Variants in ADGRL4 observed in about 807,000 individuals in gnomAD.
ADGRL4 encodes EGF, latrophilin and seven transmembrane domain containing 1.
ADGRL4 carries 90 observed loss-of-function variants against 74.8 expected under a neutral mutation model. The observed-to-expected ratio is 1.20, with a 90% CI of 1.02 to 1.43. The LOEUF (loss-of-function observed/expected upper bound fraction) is 1.43. Ranked by LOEUF, ADGRL4 falls within the 40% of genes most tolerant of loss-of-function variation. ADGRL4 has a pLI of 0.00. For synonymous variants in ADGRL4, 311 were observed against 279.2 expected (o/e 1.11, Z -1.14); for missense variants, 881 against 814.3 (o/e 1.08, Z -1.00).
intron 7 of ADGRL4, among the ~76,000 whole-genome samples, chr1:78,931,879 T>A (rs1338100688): frequency 6.6e-6 from 1 of 151,494 alleles, no homozygotes; most frequent in East Asian, 1.9e-4. Context: ...CCAGAAGAGC[T>A]AATTATCCTA....
At chr1:78,996,192 T>C (rs979721300) in intron 2 of ADGRL4, among the ~76,000 whole-genome samples, 1 of 152,188 alleles carries the variant, frequency 6.6e-6, no homozygotes, top group Admixed American at 6.5e-5. Context: ...CTTGCAGTGG[T>C]CACTTGCCTT....
intron 2 of ADGRL4, among the ~76,000 whole-genome samples, chr1:78,955,973 C>T (rs1040856761): frequency 5.9e-5 from 9 of 152,058 alleles, no homozygotes; most frequent in African/African-American, 2.2e-4. Flanking sequence ...TATATAATAA[C>T]GATTGACTCT....
chr1:78,914,217 A>G (rs888583401), intron 12 of ADGRL4, among the ~76,000 whole-genome samples: 3 of 151,898 alleles, frequency 2.0e-5, no homozygotes, highest in African/African-American at 4.8e-5. Flanking sequence ...CTCCACCTCA[A>G]TGAAGACTTT....
chr1:78,920,366 A>G lies in ADGRL4; in HGVS notation c.1278T>C (p.Ile426=). ...GPSIGIKDYN[I]LTRITQLGII... is the part of the protein sequence containing the mutation. ...TTCCTAGTTGAGTGATCCTTGTAAG[A>G]ATATTATAATCTTTAATACCCTAAG... Residue 426 remains isoleucine, a synonymous_variant, in exon 10 of 15, where the codon ATT becomes ATC. Coordinates refer to ENST00000370742, the MANE Select transcript of ADGRL4 (RefSeq NM_022159.4). The G allele has an allele frequency of 1.9e-6, 3 of 1,591,064 alleles. No individual in the cohort carries two copies. The highest frequency in any genetic ancestry group is 1.7e-6 in the Non-Finnish European group (2 of 1,161,272).
At chr1:78,900,481 C>T (rs1372057180) in intron 12 of ADGRL4, among the ~76,000 whole-genome samples, 3 of 152,090 alleles carry the variant, frequency 2.0e-5, no homozygotes, top group Non-Finnish European at 4.4e-5. Context: ...CGCACATGTA[C>T]ATATAGGTGT....
At chr1:78,934,100 A>G (rs1310900470) in intron 7 of ADGRL4, among the ~76,000 whole-genome samples, 1 of 152,230 alleles carries the variant, frequency 6.6e-6, no homozygotes, top group Non-Finnish European at 1.5e-5. Flanking sequence ...GAATCAAAGA[A>G]GACCCCATAT....
intron 12 of ADGRL4, among the ~76,000 whole-genome samples, chr1:78,908,911 C>G (rs1029880275): frequency 2.6e-5 from 4 of 151,816 alleles, no homozygotes; most frequent in African/African-American, 7.3e-5. Flanking sequence ...GAATATATCT[C>G]TCATATATAG....
intron 2 of ADGRL4, among the ~76,000 whole-genome samples, chr1:78,984,801 G>T (rs992074216): frequency 1.3e-5 from 2 of 151,580 alleles, no homozygotes; most frequent in African/African-American, 4.8e-5. Context: ...AATAACCCCG[G>T]ATAGGGCTAA....
rs778135175 is a variant in ADGRL4 at position 78,921,612 on chromosome 1, C to A, written c.1257+1G>T. On this transcript the variant is annotated splice_donor_variant, in intron 9 of 14. Transcript: ENST00000370742. LOFTEE classifies it high-confidence loss of function. ...AAATATGAAGGGGAAAATTATCTTACAATGGAAGGACCAGAGGACATCAAA... is the reference window on the plus strand; with the variant it reads ...AAATATGAAGGGGAAAATTATCTTAAAATGGAAGGACCAGAGGACATCAAA... 1.4e-6 allele frequency: 2 copies of A among 1,414,206 alleles called. No individual in the cohort carries two copies. Among genetic ancestry groups the A allele is most frequent in the Non-Finnish European group, 1.9e-6 (2 of 1,074,128 alleles). The allele number at this position is 1,414,206 out of a possible 1,614,324, so 87.6% of individuals were successfully genotyped here.
At chr1:78,995,156 A>G (rs1650689072) in intron 2 of ADGRL4, among the ~76,000 whole-genome samples, 1 of 152,198 alleles carries the variant, frequency 6.6e-6, no homozygotes, top group Admixed American at 6.5e-5. Context: ...GAGAGCAAAT[A>G]TAAAAATCAT....
At chr1:78,980,446 CA>C (rs1422283548) in intron 2 of ADGRL4, among the ~76,000 whole-genome samples, 2 of 151,842 alleles carry the variant, frequency 1.3e-5, no homozygotes, top group African/African-American at 4.8e-5. Context: ...TTGTCTCCAA[CA>C]GAGGCCTATA....
chr1:78,973,793 T>G (rs1487901804), intron 2 of ADGRL4, among the ~76,000 whole-genome samples: 1 of 151,834 alleles, frequency 6.6e-6, no homozygotes, highest in South Asian at 2.1e-4. Context: ...TAAAGTGGTT[T>G]TGTTTTATGT....
intron 8 of ADGRL4, 58 bp from the exon 9 acceptor site, chr1:78,921,844 T>TTTTGTCATA (rs1649009374): frequency 3.1e-6 from 3 of 979,912 alleles, no homozygotes; most frequent in Non-Finnish European, 4.2e-6. Context: ...CATAGTATTG[T>TTTTGTCATA]TTTGTCATAT....
intron 8 of ADGRL4, among the ~76,000 whole-genome samples, chr1:78,923,674 T>A (rs1259334272): frequency 1.3e-5 from 2 of 151,856 alleles, no homozygotes; most frequent in African/African-American, 4.8e-5. Context: ...CTCAGAGAGA[T>A]GAGATACTGT....
chr1:78,992,912 G>A (rs1291506132), intron 2 of ADGRL4, among the ~76,000 whole-genome samples: 2 of 151,946 alleles, frequency 1.3e-5, no homozygotes, highest in African/African-American at 2.4e-5. Flanking sequence ...ATACAACAGA[G>A]GATATTAAAT....
chr1:78,937,738 C>A, intron 6 of ADGRL4, 69 bp downstream of exon 6: 1 of 1,457,326 alleles, frequency 6.9e-7, no homozygotes, highest in South Asian at 1.3e-5. Context: ...CCTCCTAACC[C>A]CACCCAAAAC....
chr1:78,891,609 G>C lies in ADGRL4; in HGVS notation c.1925C>G (p.Ser642Ter), dbSNP rs1474795126. The C allele has an allele frequency of 6.2e-7, 1 of 1,613,502 alleles. No homozygotes were observed. Among genetic ancestry groups the C allele is most frequent in the Non-Finnish European group, 8.5e-7 (1 of 1,179,692 alleles). ...IFGVLHVVHASVVTAYLFTVS... is the reference protein window; with the variant it reads ...IFGVLHVVHA ...TGTGAAGAGGTAAGCTGTAACCACT[G>C]ATGCGTGCACAACATGGAGAACCCC... Residue 642 changes from serine (S) to a stop codon, truncating the protein, a stop_gained, in exon 14 of 15, where the codon TCA (serine) becomes TGA (stop). Coordinates refer to ENST00000370742, the MANE Select transcript of ADGRL4 (RefSeq NM_022159.4). LOFTEE classifies it high-confidence loss of function.
chr1:78,960,664 T>C (rs181030643), intron 2 of ADGRL4, among the ~76,000 whole-genome samples: 2 of 152,214 alleles, frequency 1.3e-5, no homozygotes. Context: ...ACCCCCAAAT[T>C]TGTATGTTGA....
chr1:78,952,327 G>GA (rs1557510405), intron 2 of ADGRL4, among the ~76,000 whole-genome samples: 1 of 25,670 alleles, frequency 3.9e-5, no homozygotes, highest in African/African-American at 9.0e-5. Flanking sequence ...AACATAGAAA[G>GA]CTTTTTTTTT....
Sources: allele counts gnomAD v4.1 joint callset (sites outside exome capture counted in the v4.1 genomes callset), GRCh38; gene constraint gnomAD v4.1.1; transcripts MANE v1.5; gene names NCBI Gene and HGNC (gene_info 2026-07-23, HGNC 2026-07-21).